Variants in CDK6 observed in about 807,000 individuals in gnomAD.
CDK6 encodes the protein cyclin-dependent kinase 6.
CDK6 carries 6 observed loss-of-function variants against 37.1 expected under a neutral mutation model. The ratio of observed to expected loss-of-function variants is 0.16; its 90% CI spans 0.09 to 0.32. CDK6 has a LOEUF of 0.32. Among genes scored for constraint, CDK6 ranks in the 10% least tolerant of loss-of-function variants. The pLI, the probability that CDK6 is intolerant of heterozygous loss-of-function variation, is 1.00. For synonymous variants in CDK6, 160 were observed against 161.3 expected (o/e 0.99, Z 0.06); for missense variants, 224 against 418.9 (o/e 0.53, Z 4.06).
chr7:92,616,865 GA>G (rs1315413555), intron 7 of CDK6, among the ~76,000 whole-genome samples: 3 of 152,076 alleles, frequency 2.0e-5, no homozygotes, highest in African/African-American at 7.2e-5. Flanking sequence ...TCTCACGTTG[GA>G]AGTCTTAATA....
At chr7:92,647,106 G>C (rs1796470271) in intron 5 of CDK6, among the ~76,000 whole-genome samples, 1 of 152,310 alleles carries the variant, frequency 6.6e-6, no homozygotes. Context: ...ACAGGCTGCA[G>C]TATGTTCATT....
chr7:92,766,468 TG>T, intron 3 of CDK6, among the ~76,000 whole-genome samples: 1 of 152,290 alleles, frequency 6.6e-6, no homozygotes, highest in East Asian at 1.9e-4. Flanking sequence ...ATGTTTTACA[TG>T]GTTAGCTGAC....
Position 92,772,782 on chromosome 7 carries a change from T to G in CDK6, c.369+1914A>C, listed in dbSNP as rs575981024. ...ACTCCTGCCTGATCAAACCTGAGTC[T>G]AGTAAACCACTCTGGCTTATCAACA... is the stretch of plus-strand genomic sequence containing the variant. On this transcript the variant is annotated intron_variant, in intron 3 of 7. Coordinates refer to ENST00000424848, the MANE Select transcript of CDK6 (RefSeq NM_001145306.2). 1.2e-3 allele frequency among the ~76,000 whole-genome samples: 190 copies of G among 152,268 alleles called. 1 individual carries two copies. The highest frequency in any genetic ancestry group is 3.2e-4 in the Non-Finnish European group (22 of 68,030).
At position 92,702,220 on chromosome 7, in the gene CDK6, C is replaced by CTTTTTTTTTTTT. The variant is rs3066453; in HGVS notation, c.537+23394_537+23405dup. Among the ~76,000 whole-genome samples the CTTTTTTTTTTTT allele has an allele frequency of 4.7e-4, 21 of 44,958 alleles. 4 individuals are homozygous for CTTTTTTTTTTTT. Among genetic ancestry groups the CTTTTTTTTTTTT allele is most frequent in the African/African-American group, 1.8e-3 (18 of 10,152 alleles). 29.5% of individuals were successfully genotyped at this position (44,958 alleles called of 152,430 possible). A position where few individuals can be genotyped will look rare whatever the true frequency, so the allele number is the denominator to read the frequency against. ...AATATGTTGCATTATCAAGTATATTCTTTTTTTTTTTTTTTTTTTTTTTTT... is the reference window on the plus strand; with the variant it reads ...AATATGTTGCATTATCAAGTATATTCTTTTTTTTTTTTTTTTTTTTTTTTTTTTTTTTTTTTT... On this transcript the variant is annotated intron_variant, in intron 4 of 7. Coordinates refer to ENST00000424848, the MANE Select transcript of CDK6 (RefSeq NM_001145306.2).
intron 5 of CDK6, among the ~76,000 whole-genome samples, chr7:92,640,896 A>G (rs1401160404): frequency 1.3e-5 from 2 of 152,190 alleles, no homozygotes; most frequent in Non-Finnish European, 2.9e-5. Context: ...AGCTTTCCTT[A>G]AAGTCTTGCA....
intron 4 of CDK6, among the ~76,000 whole-genome samples, chr7:92,687,469 AAGC>A (rs1268816743): frequency 6.6e-6 from 1 of 152,226 alleles, no homozygotes; most frequent in African/African-American, 2.4e-5. Context: ...ACTCTGTCCA[AAGC>A]AGCAAATCAA....
intron 3 of CDK6, among the ~76,000 whole-genome samples, chr7:92,730,152 G>T (rs1339448777): frequency 6.6e-6 from 1 of 152,142 alleles, no homozygotes; most frequent in Non-Finnish European, 1.5e-5. Flanking sequence ...AGACAATTCT[G>T]GATATAGGGA....
At chr7:92,686,883 C>T (rs1797467812) in intron 4 of CDK6, among the ~76,000 whole-genome samples, 1 of 151,976 alleles carries the variant, frequency 6.6e-6, no homozygotes, top group African/African-American at 2.4e-5. Context: ...TGATGTTGGA[C>T]ATTTTTTCAT....
intron 5 of CDK6, among the ~76,000 whole-genome samples, chr7:92,635,808 A>G (rs1023242200): frequency 1.3e-5 from 2 of 152,202 alleles, no homozygotes; most frequent in African/African-American, 4.8e-5. Context: ...AAAGATCACT[A>G]AGAAAACTTT....
chr7:92,711,146 A>G (rs1231065338), intron 4 of CDK6, among the ~76,000 whole-genome samples: 1 of 152,232 alleles, frequency 6.6e-6, no homozygotes, highest in African/African-American at 2.4e-5. Flanking sequence ...AGAAATTAGT[A>G]TTTCAGTGAA....
chr7:92,765,340 C>T (rs561904031), intron 3 of CDK6, among the ~76,000 whole-genome samples: 9 of 152,102 alleles, frequency 5.9e-5, no homozygotes, highest in African/African-American at 1.9e-4. Context: ...GGAATTAGTA[C>T]TATTTTAAGG....
intron 3 of CDK6, among the ~76,000 whole-genome samples, chr7:92,774,094 T>A (rs1343454313): frequency 1.3e-5 from 2 of 152,182 alleles, no homozygotes; most frequent in Non-Finnish European, 2.9e-5. Flanking sequence ...ATATACTGCA[T>A]CTAGTTTACT....
At position 92,622,867 on chromosome 7, in the gene CDK6, C is replaced by T. The variant is rs3731357; in HGVS notation, c.698+169G>A. 7.2e-5 allele frequency among the ~76,000 whole-genome samples: 11 copies of T among 152,200 alleles called. No homozygotes were observed. In the East Asian group the frequency reaches 1.7e-3, roughly 24 times the overall value. On this transcript the variant is annotated intron_variant, in intron 6 of 7. Coordinates refer to ENST00000424848, the MANE Select transcript of CDK6 (RefSeq NM_001145306.2). The stretch of plus-strand genomic sequence containing the variant: ...AGAGCAGTTAGGGCTCTGCATAAAA[C>T]GGCACTTCTACCATGTCTCCACTCA...
At chr7:92,821,814 AAGCAG>A (rs1347791672) in intron 2 of CDK6, among the ~76,000 whole-genome samples, 1 of 152,030 alleles carries the variant, frequency 6.6e-6, no homozygotes, top group Non-Finnish European at 1.5e-5. Context: ...CAGCTGTTCT[AAGCAG>A]AGGAGGAAGG....
At chr7:92,629,587 G>A (rs947520068) in intron 5 of CDK6, among the ~76,000 whole-genome samples, 7 of 151,980 alleles carry the variant, frequency 4.6e-5, no homozygotes, top group Non-Finnish European at 8.8e-5. Context: ...AAGACTAAGC[G>A]GTCGTTGAGA....
In CDK6 at chr7:92,609,119, G is replaced by A. The variant is rs1317304006; in HGVS notation, c.*6021C>T. On this transcript the variant is annotated 3_prime_UTR_variant, in exon 8 of 8. Transcript: ENST00000424848. ...GCATTTTGGTTCAGTATGAATTACT[G>A]AGACTCATCTGCTTGCCACTCAGGA... 4.3e-6 allele frequency: 1 copy of A among 232,860 alleles called. No homozygotes were observed. The highest frequency in any genetic ancestry group is 8.5e-6 in the Non-Finnish European group (1 of 117,930). 14.4% of individuals were successfully genotyped at this position (232,860 alleles called of 1,614,324 possible).
rs761377867 is a variant in CDK6, at chr7:92,774,805, C to T, written c.260G>A (p.Arg87Gln). 3.7e-6 allele frequency: 6 copies of T among 1,611,308 alleles called. No homozygotes were observed. Among genetic ancestry groups the T allele is most frequent in the East Asian group, 2.2e-5 (1 of 44,650 alleles). Residue 87 changes from arginine to glutamine, a missense_variant, in exon 3 of 8, where the codon CGA becomes CAA. This residue lies in a region of CDK6 where 82 missense variants were observed against 202.1 expected (regional missense o/e 0.41). Transcript: ENST00000424848. ...VRLFDVCTVS[R>Q]TDRETKLTLV... ...AGTTAGTTTGGTTTCTCTGTCTGTT[C>T]GTGACACTGTGCACACATCAAACAA...
chr7:92,758,483 T>C (rs1458961093), intron 3 of CDK6, among the ~76,000 whole-genome samples: 2 of 152,192 alleles, frequency 1.3e-5, no homozygotes, highest in African/African-American at 4.8e-5. Flanking sequence ...TTCTGTTCCA[T>C]TGGTCTATGT....
At chr7:92,654,679 A>T (rs898654132) in intron 5 of CDK6, among the ~76,000 whole-genome samples, 1 of 152,106 alleles carries the variant, frequency 6.6e-6, no homozygotes, top group Admixed American at 6.5e-5. Context: ...GGAGTAGGTA[A>T]GACAACAGCA....
Sources: gnomAD v4.1 joint callset for allele counts (sites outside exome capture counted in the v4.1 genomes callset) on GRCh38, gnomAD v4.1.1 for gene constraint, gnomAD v4.1.1 regional missense constraint, MANE v1.5 for transcripts, NCBI Gene and HGNC (gene_info 2026-07-23, HGNC 2026-07-21) for gene names.